The following CUL4A variants were observed in gnomAD, a reference collection of about 807,000 sequenced individuals.
CUL4A encodes cullin-4A.
Under a neutral mutation model 95.5 loss-of-function variants are expected in CUL4A, and 16 were observed. That is an observed-to-expected ratio of 0.17 (90% CI 0.11 to 0.25). The LOEUF (loss-of-function observed/expected upper bound fraction) is 0.25. Ranked by LOEUF, CUL4A falls within the 10% of genes least tolerant of loss-of-function variation. CUL4A has a pLI of 1.00. For synonymous variants in CUL4A, 380 were observed against 353.1 expected, an observed-to-expected ratio of 1.08 and a Z score of -0.85; for missense variants, 610 against 937.0, an observed-to-expected ratio of 0.65 and a Z score of 4.56.
intron 3 of CUL4A, among the ~76,000 whole-genome samples, chr13:113,223,668 A>T (rs2040988764): frequency 6.6e-6 from 1 of 152,198 alleles, no homozygotes; most frequent in South Asian, 2.1e-4. Flanking sequence ...AAGTGTTGGG[A>T]TTACAGGCGT....
intron 2 of CUL4A, among the ~76,000 whole-genome samples, chr13:113,215,987 G>A (rs556884002): frequency 2.6e-4 from 38 of 148,418 alleles, no homozygotes; most frequent in Non-Finnish European, 4.7e-4. Flanking sequence ...GGGTGACTAT[G>A]GTGGTCACGT....
At chr13:113,244,114 C>G in intron 11 of CUL4A, 1 of 263,022 alleles carries the variant, frequency 3.8e-6, no homozygotes, top group East Asian at 8.3e-5. Flanking sequence ...CGTCCTGAAA[C>G]CTGAGCATGT....
chr13:113,246,736 C>G (rs2041867559), intron 15 of CUL4A, among the ~76,000 whole-genome samples: 1 of 152,086 alleles, frequency 6.6e-6, no homozygotes, highest in South Asian at 2.1e-4. Context: ...GGCCAATGCT[C>G]CTTTAACAAA....
intron 18 of CUL4A, among the ~76,000 whole-genome samples, chr13:113,257,713 T>C (rs749902951): frequency 6.6e-6 from 1 of 150,966 alleles, no homozygotes; most frequent in Non-Finnish European, 1.5e-5. Context: ...GGGACACATA[T>C]TCAAAACCAT....
At chr13:113,245,319 T>C (rs2041828177) in intron 14 of CUL4A, 82 bp downstream of exon 14, 1 of 1,255,852 alleles carries the variant, frequency 8.0e-7, no homozygotes, top group African/African-American at 1.5e-5. Context: ...CCCAGCACTT[T>C]GGGAGGCAGA....
chr13:113,220,032 C>T (rs1426619981), intron 3 of CUL4A, among the ~76,000 whole-genome samples: 1 of 152,158 alleles, frequency 6.6e-6, no homozygotes, highest in Non-Finnish European at 1.5e-5. Context: ...CTTTTCTAGG[C>T]CTCCGTTTCT....
chr13:113,208,605 C>CA, upstream of CUL4A: 1 of 1,608,502 alleles, frequency 6.2e-7, no homozygotes, highest in East Asian at 2.2e-5. Context: ...CCACCTGCTG[C>CA]AGGTACTGGT....
intron 3 of CUL4A, among the ~76,000 whole-genome samples, chr13:113,220,284 G>T (rs1338862832): frequency 1.3e-5 from 2 of 152,234 alleles, no homozygotes; most frequent in African/African-American, 4.8e-5. Flanking sequence ...GCACAGATGT[G>T]AGTGAAGTCG....
chr13:113,233,788 T>A, intron 6 of CUL4A, 109 bp from the exon 7 acceptor site: 1 of 747,880 alleles, frequency 1.3e-6, no homozygotes, highest in Non-Finnish European at 2.3e-6. Flanking sequence ...CACAGGCGCC[T>A]CCAAGTTCAG....
intron 4 of CUL4A, among the ~76,000 whole-genome samples, chr13:113,228,280 T>A (rs144456648): frequency 1.3e-3 from 191 of 152,314 alleles, no homozygotes; most frequent in African/African-American, 4.4e-3. Flanking sequence ...GACAGGGTTC[T>A]TAGATGCCTG....
intron 2 of CUL4A, among the ~76,000 whole-genome samples, chr13:113,218,557 A>AC (rs1401149604): frequency 2.0e-5 from 3 of 152,136 alleles, no homozygotes; most frequent in Non-Finnish European, 1.5e-5. Flanking sequence ...CACTCCAGTG[A>AC]CCCCCATCTC....
At chr13:113,248,461 T>C (rs1595413906) in intron 15 of CUL4A, among the ~76,000 whole-genome samples, 1 of 152,232 alleles carries the variant, frequency 6.6e-6, no homozygotes, top group African/African-American at 2.4e-5. Flanking sequence ...CTCTTTGATA[T>C]GCCTACATCA....
chr13:113,266,518 G>A lies in CUL4A; in HGVS notation c.*2936G>A, dbSNP rs1469632662. 2.0e-5 allele frequency: 3 copies of A among 152,186 alleles called. No homozygotes were observed. Among genetic ancestry groups the A allele is most frequent in the Non-Finnish European group, 4.4e-5 (3 of 68,044 alleles). The allele number at this position is 152,186 out of a possible 1,614,324, so 9.4% of individuals were successfully genotyped here. On this transcript the variant is annotated 3_prime_UTR_variant, in exon 20 of 20. Coordinates refer to ENST00000375440, the MANE Select transcript of CUL4A (RefSeq NM_001008895.4). ...CTTTAAAACACAAGCGGATTCTAAA[G>A]TTAAAACAGAAAAGCAAATATGCCA... is the stretch of plus-strand genomic sequence containing the variant.
intron 11 of CUL4A, 117 bp downstream of exon 11, chr13:113,243,277 AAGGGGT>A (rs1805036928): frequency 2.1e-6 from 2 of 941,708 alleles, no homozygotes; most frequent in Non-Finnish European, 3.1e-6. Flanking sequence ...CAAGCTGCTC[AAGGGGT>A]GTGTGGAAAG....
rs983591366 is a variant in CUL4A at position 113,264,104 on chromosome 13, G to C, written c.*522G>C. The C allele has an allele frequency of 1.3e-5, 2 of 152,306 alleles. No homozygotes were observed. Among genetic ancestry groups the C allele is most frequent in the African/African-American group, 4.8e-5 (2 of 41,442 alleles). The allele number at this position is 152,306 out of a possible 1,614,324, so 9.4% of individuals were successfully genotyped here. The stretch of plus-strand genomic sequence containing the variant: ...GGTTCAAAGCTGGCGAATGGATGAC[G>C]CACCCTAGCCACTGGCCCCTCTCTG... On this transcript the variant is annotated 3_prime_UTR_variant, in exon 20 of 20. Transcript: ENST00000375440.
intron 3 of CUL4A, among the ~76,000 whole-genome samples, chr13:113,221,914 G>A (rs371010289): frequency 6.6e-6 from 1 of 152,214 alleles, no homozygotes; most frequent in Non-Finnish European, 1.5e-5. Context: ...AAGCTCCTGG[G>A]ACCTAAAGAA....
At chr13:113,236,800 C>A in intron 8 of CUL4A, 23 bp from the exon 9 acceptor site, 1 of 1,548,484 alleles carries the variant, frequency 6.5e-7, no homozygotes, top group Non-Finnish European at 8.9e-7. Flanking sequence ...ACTTCTAACG[C>A]TTATTCTTTT....
rs578095562 is a variant in CUL4A, at chr13:113,249,885, G to A, written c.1639-3197G>A. Among the ~76,000 whole-genome samples, 6 of 152,218 alleles carry A rather than the reference G, an allele frequency of 3.9e-5. No homozygotes were observed. The East Asian group carries it at 7.7e-4, about 20-fold the overall frequency. ...TTTCATGTCCTGATTGACCATTTGCGTATCTTCTTTGGAGAAATGTCTGTT... is the reference window on the plus strand; with the variant it reads ...TTTCATGTCCTGATTGACCATTTGCATATCTTCTTTGGAGAAATGTCTGTT... On this transcript the variant is annotated intron_variant, in intron 15 of 19. Transcript: ENST00000375440.
chr13:113,241,792 C>T (rs368008402), intron 10 of CUL4A, among the ~76,000 whole-genome samples: 20 of 151,984 alleles, frequency 1.3e-4, no homozygotes, highest in African/African-American at 4.1e-4. Flanking sequence ...GGATTACAAG[C>T]GTGAGCCACT....
Sources: gnomAD v4.1 joint callset for allele counts (sites outside exome capture counted in the v4.1 genomes callset) on GRCh38, gnomAD v4.1.1 for gene constraint, MANE v1.5 for transcripts, NCBI Gene and HGNC (gene_info 2026-07-23, HGNC 2026-07-21) for gene names.